The following OPCML variants were observed in gnomAD, a reference collection of about 807,000 sequenced individuals.
The protein encoded by OPCML is opioid-binding protein/cell adhesion molecule.
Under a neutral mutation model 37.8 loss-of-function variants are expected in OPCML, and 13 were observed. The observed-to-expected ratio is 0.34, with a 90% CI of 0.22 to 0.55. The LOEUF (loss-of-function observed/expected upper bound fraction) is 0.55, where lower values mean the gene tolerates loss of function less well. OPCML is among the 20% of genes least tolerant of loss of function. The pLI, the probability that OPCML is intolerant of heterozygous loss-of-function variation, is 0.91. For missense variants in OPCML, 341 were observed against 435.6 expected (o/e 0.78, Z 1.93); for synonymous variants, 176 against 168.8 (o/e 1.04, Z -0.33).
chr11:132,660,591 G>T (rs1345110257), intron 2 of OPCML, among the ~76,000 whole-genome samples: 1 of 152,114 alleles, frequency 6.6e-6, no homozygotes, highest in Non-Finnish European at 1.5e-5. Flanking sequence ...ACTCAGAAAT[G>T]TTGGGAAAAT....
chr11:132,858,411 T>C (rs576955697), intron 2 of OPCML, among the ~76,000 whole-genome samples: 55 of 152,248 alleles, frequency 3.6e-4, no homozygotes, highest in Middle Eastern at 6.8e-3. Context: ...GGCTTCCCCC[T>C]CCCTTGCTCT....
chr11:132,827,257 A>C (rs1023444030), intron 2 of OPCML, among the ~76,000 whole-genome samples: 2 of 152,182 alleles, frequency 1.3e-5, no homozygotes, highest in African/African-American at 4.8e-5. Flanking sequence ...AGGGGAGCAA[A>C]AGATCAGGTA....
intron 2 of OPCML, among the ~76,000 whole-genome samples, chr11:132,890,351 C>G (rs990043113): frequency 2.0e-5 from 3 of 152,142 alleles, no homozygotes; most frequent in Admixed American, 6.5e-5. Context: ...TATGAAAAAT[C>G]CATTGTTCTT....
chr11:132,600,866 T>G (rs1406657859), intron 3 of OPCML, among the ~76,000 whole-genome samples: 14 of 112,982 alleles, frequency 1.2e-4, no homozygotes, highest in African/African-American at 3.8e-4. Context: ...TTTTTTTTTG[T>G]AGAGACACGG....
rs115246534 is a variant in OPCML, at chr11:133,070,230, G to T, written c.62-127220C>A. Among the ~76,000 whole-genome samples the T allele has an allele frequency of 8.3e-3, 1,268 of 152,276 alleles. 10 individuals are homozygous for T. Among genetic ancestry groups the T allele is most frequent in the African/African-American group, 0.028 (1,168 of 41,552 alleles). ...GCTTCTCAACAACATGCAAGGCAGA[G>T]TTTATTAGCATAAATTTGCATAATA... On this transcript the variant is annotated intron_variant, in intron 1 of 7. Coordinates refer to ENST00000524381, the MANE Select transcript of OPCML (RefSeq NM_001012393.5).
intron 2 of OPCML, among the ~76,000 whole-genome samples, chr11:132,828,351 C>A (rs960354065): frequency 6.6e-6 from 1 of 152,012 alleles, no homozygotes; most frequent in Admixed American, 6.6e-5. Context: ...ACCCAGCGAG[C>A]GCACAGCACC....
At chr11:132,908,867 C>G (rs1257934209) in intron 2 of OPCML, among the ~76,000 whole-genome samples, 1 of 152,232 alleles carries the variant, frequency 6.6e-6, no homozygotes, top group African/African-American at 2.4e-5. Flanking sequence ...GGATACTCAG[C>G]CTTCAGACCT....
chr11:132,630,719 T>G (rs962344624), intron 3 of OPCML, among the ~76,000 whole-genome samples: 12 of 152,162 alleles, frequency 7.9e-5, no homozygotes, highest in African/African-American at 2.9e-4. Flanking sequence ...GCTTGATAGT[T>G]TCTTATAAAC....
chr11:133,483,327 T>C (rs142119236), intron 1 of OPCML, among the ~76,000 whole-genome samples: 1 of 148,410 alleles, frequency 6.7e-6, no homozygotes, highest in Non-Finnish European at 1.5e-5. Flanking sequence ...GATAGATAGA[T>C]AGATAGATAG....
chr11:132,738,038 C>T (rs187474698), intron 2 of OPCML, among the ~76,000 whole-genome samples: 9 of 152,298 alleles, frequency 5.9e-5, no homozygotes, highest in Non-Finnish European at 8.8e-5. Context: ...TAGCTCTCCC[C>T]CTGTAGGACA....
At chr11:132,702,300 T>A (rs1943858084) in intron 2 of OPCML, among the ~76,000 whole-genome samples, 1 of 152,182 alleles carries the variant, frequency 6.6e-6, no homozygotes, top group Non-Finnish European at 1.5e-5. Context: ...ATCTCCTTCA[T>A]TTCTGAAAGA....
At position 132,998,466 on chromosome 11, in the gene OPCML, G is replaced by C. The variant is rs144684614; in HGVS notation, c.62-55456C>G. Among the ~76,000 whole-genome samples, 102 of 152,194 alleles carry C rather than the reference G, an allele frequency of 6.7e-4. No individual in the cohort carries two copies. The East Asian group carries it at 0.019, about 28-fold the overall frequency. ...GGAAGTTTTTCTGTCTACTCTAAAG[G>C]TGTCTTATTTTCTTTAACTTCTTTA... On this transcript the variant is annotated intron_variant, in intron 1 of 7. Transcript: ENST00000524381.
chr11:132,883,668 G>A (rs775757548), intron 2 of OPCML, among the ~76,000 whole-genome samples: 7 of 152,244 alleles, frequency 4.6e-5, no homozygotes, highest in East Asian at 3.9e-4. Flanking sequence ...GATGAGAGGC[G>A]ATGGGACAGG....
Position 132,636,640 on chromosome 11 carries a change from G to T in OPCML, c.379+20447C>A, listed in dbSNP as rs181355498. Among the ~76,000 whole-genome samples the T allele has an allele frequency of 6.3e-3, 957 of 152,330 alleles. 11 individuals carry two copies. Among genetic ancestry groups the T allele is most frequent in the African/African-American group, 0.022 (907 of 41,576 alleles). On this transcript the variant is annotated intron_variant, in intron 3 of 7. Transcript: ENST00000524381. Reference sequence around the variant, plus strand: ...CACTAAATTAAGGCTACAGAACTGTGAGTGGAGAGGAAAAATCTCTGAATA... The same window carrying T: ...CACTAAATTAAGGCTACAGAACTGTTAGTGGAGAGGAAAAATCTCTGAATA...
At chr11:132,626,877 CATACAT>C (rs1257599096) in intron 3 of OPCML, among the ~76,000 whole-genome samples, 16 of 147,814 alleles carry the variant, frequency 1.1e-4, no homozygotes, top group Non-Finnish European at 1.9e-4. Context: ...TAGACACACA[CATACAT>C]ATACATATAT....
chr11:132,520,767 C>T (rs905153045), intron 4 of OPCML, among the ~76,000 whole-genome samples: 5 of 150,894 alleles, frequency 3.3e-5, no homozygotes, highest in Non-Finnish European at 5.9e-5. Context: ...TTTCTTTATC[C>T]AGTCTATCAT....
At chr11:132,793,407 C>T (rs1938071767) in intron 2 of OPCML, among the ~76,000 whole-genome samples, 1 of 152,166 alleles carries the variant, frequency 6.6e-6, no homozygotes, top group African/African-American at 2.4e-5. Context: ...GGCTTCCTCA[C>T]CAAATATTAA....
chr11:133,099,376 C>A (rs533955673), intron 1 of OPCML, among the ~76,000 whole-genome samples: 2 of 151,826 alleles, frequency 1.3e-5, no homozygotes, highest in African/African-American at 4.8e-5. Context: ...CATTCTCCTG[C>A]CTCAGCCTCC....
chr11:133,244,290 GACAT>G (rs1357498991), intron 1 of OPCML, among the ~76,000 whole-genome samples: 2 of 152,028 alleles, frequency 1.3e-5, no homozygotes, highest in African/African-American at 4.8e-5. Flanking sequence ...ACAAGGCATG[GACAT>G]ACCTCGAAGG....
Sources: allele counts gnomAD v4.1 joint callset (sites outside exome capture counted in the v4.1 genomes callset), GRCh38; gene constraint gnomAD v4.1.1; transcripts MANE v1.5; gene names NCBI Gene and HGNC (gene_info 2026-07-23, HGNC 2026-07-21).